The following RTTN variants were observed in gnomAD, a reference collection of about 807,000 sequenced individuals.
The protein encoded by RTTN is rotatin.
In RTTN, 182 loss-of-function variants were observed where a neutral mutation model predicts 269.2. The ratio of observed to expected loss-of-function variants is 0.68; its 90% CI spans 0.60 to 0.76. The LOEUF (loss-of-function observed/expected upper bound fraction) is 0.76. Ranked by LOEUF, RTTN falls within the 30% of genes least tolerant of loss-of-function variation. The pLI is 0.00. For missense variants in RTTN, 2,545 were observed against 2,608.6 expected, an observed-to-expected ratio of 0.98 and a Z score of 0.53; for synonymous variants, 1,006 against 963.5, an observed-to-expected ratio of 1.04 and a Z score of -0.82.
chr18:70,102,380 G>A (rs2059192868), intron 28 of RTTN, among the ~76,000 whole-genome samples: 1 of 152,094 alleles, frequency 6.6e-6, no homozygotes, highest in African/African-American at 2.4e-5. Context: ...TTTTATCGGA[G>A]AGAGGATTGC....
At position 70,193,288 on chromosome 18, in the gene RTTN, C is replaced by A. The variant is rs1438011967; in HGVS notation, c.1007G>T (p.Ser336Ile). 1 of 1,610,254 alleles carries A rather than the reference C, an allele frequency of 6.2e-7. No homozygotes were observed. The highest frequency in any genetic ancestry group is 8.5e-7 in the Non-Finnish European group (1 of 1,178,092). The change falls in exon 8 of 49, where the codon AGT becomes ATT. Residue 336 changes from serine (S) to isoleucine (I), a missense_variant and splice_region_variant. Ser to Ile is a moderately radical substitution (Grantham distance 142). Coordinates refer to ENST00000640769, the MANE Select transcript of RTTN (RefSeq NM_173630.4). ...DGQDWDAASS[S>I]GSSSHAHVNS... Reference sequence around the variant, plus strand: ...CCCCAGAGACACTGCTAGCAGTCACCTAGAGGACGCTGCATCCCAGTCCTG... The same window carrying A: ...CCCCAGAGACACTGCTAGCAGTCACATAGAGGACGCTGCATCCCAGTCCTG...
chr18:70,201,701 T>G (rs2061957100), intron 4 of RTTN, among the ~76,000 whole-genome samples, 193 bp downstream of exon 4: 1 of 151,100 alleles, frequency 6.6e-6, no homozygotes, highest in African/African-American at 2.4e-5. Context: ...TGTTCAAATA[T>G]GGTTAGAATA....
At chr18:70,205,456 C>T in intron 1 of RTTN, 141 bp from the exon 2 acceptor site, 2 of 1,366,194 alleles carry the variant, frequency 1.5e-6, no homozygotes, top group Non-Finnish European at 2.0e-6. Context: ...GGGACGCGAA[C>T]CGCGAAGTTT....
intron 34 of RTTN, among the ~76,000 whole-genome samples, chr18:70,071,314 A>T (rs1271329897): frequency 6.6e-6 from 1 of 152,222 alleles, no homozygotes; most frequent in Non-Finnish European, 1.5e-5. Flanking sequence ...AAAAAGTTTG[A>T]AAGATCACAT....
rs188220549 is a variant in RTTN, at chr18:70,106,691, C to T, written c.3903+2807G>A. Among the ~76,000 whole-genome samples, 487 of 150,894 alleles carry T rather than the reference C, an allele frequency of 3.2e-3. 3 individuals carry two copies. Among genetic ancestry groups the T allele is most frequent in the Admixed American group, 6.0e-3 (91 of 15,170 alleles). ...TAAATGCAAAATATTGAGTCTTATGCTCTTGAAAAAAAAAGAGGTTTGGAT... is the reference window on the plus strand; with the variant it reads ...TAAATGCAAAATATTGAGTCTTATGTTCTTGAAAAAAAAAGAGGTTTGGAT... On this transcript the variant is annotated intron_variant, in intron 28 of 48. Coordinates refer to ENST00000640769, the MANE Select transcript of RTTN (RefSeq NM_173630.4).
intron 4 of RTTN, among the ~76,000 whole-genome samples, chr18:70,199,885 T>A (rs149244874): frequency 1.3e-5 from 2 of 152,192 alleles, no homozygotes; most frequent in Non-Finnish European, 1.5e-5. Flanking sequence ...CTTTTCAAAA[T>A]TAAAAATGAT....
At chr18:70,044,240 T>G (rs542216352) in intron 40 of RTTN, among the ~76,000 whole-genome samples, 102 of 152,382 alleles carry the variant, frequency 6.7e-4, no homozygotes, top group African/African-American at 2.4e-3. Flanking sequence ...ATTTTACCAT[T>G]CACTAAATGT....
intron 40 of RTTN, among the ~76,000 whole-genome samples, chr18:70,045,127 A>T (rs1449285909): frequency 6.6e-6 from 1 of 152,236 alleles, no homozygotes; most frequent in African/African-American, 2.4e-5. Flanking sequence ...CTTACACATG[A>T]CTTAAGATGT....
intron 48 of RTTN, 23 bp from the exon 49 acceptor site, chr18:70,004,259 C>T (rs747110129): frequency 2.6e-6 from 4 of 1,539,246 alleles, no homozygotes; most frequent in East Asian, 2.2e-5. Flanking sequence ...AATAAGAGTA[C>T]AGAAATACTA....
intron 23 of RTTN, chr18:70,132,061 C>T (rs1332796316): frequency 1.3e-5 from 2 of 151,858 alleles, no homozygotes; most frequent in East Asian, 1.9e-4. Context: ...CATAAGAGAT[C>T]GAGTGAATTC....
Position 70,059,911 on chromosome 18 carries a change from T to C in RTTN, c.4879A>G (p.Ile1627Val), listed in dbSNP as rs201573014. 1.4e-5 allele frequency: 23 copies of C among 1,613,434 alleles called. No individual in the cohort carries two copies. Among genetic ancestry groups the C allele is most frequent in the African/African-American group, 1.3e-4 (10 of 74,896 alleles). ...GCCTTTGCAGTGTCTCTGGGAGCAATCGTCAAGAGGTTGTCCAAGAGGCTG... is the reference window on the plus strand; with the variant it reads ...GCCTTTGCAGTGTCTCTGGGAGCAACCGTCAAGAGGTTGTCCAAGAGGCTG... ...MCSLLDNLLT[I>V]APRDTAKAFR... Residue 1627 changes from isoleucine (I) to valine (V), a missense_variant, in exon 36 of 49, where the codon ATT becomes GTT. By Grantham distance (29) the Ile-to-Val change is conservative (BLOSUM62 3). Coordinates refer to ENST00000640769, the MANE Select transcript of RTTN (RefSeq NM_173630.4).
intron 28 of RTTN, among the ~76,000 whole-genome samples, chr18:70,102,472 C>G (rs569763575): frequency 6.6e-6 from 1 of 152,210 alleles, no homozygotes; most frequent in South Asian, 2.1e-4. Context: ...TGTCTCTGCA[C>G]GTGAGATGAG....
chr18:70,073,106 A>G (rs2058340136), intron 34 of RTTN, among the ~76,000 whole-genome samples: 1 of 152,136 alleles, frequency 6.6e-6, no homozygotes, highest in South Asian at 2.1e-4. Context: ...AAACAGGTGT[A>G]TCAAATCTTT....
chr18:70,187,869 T>C (rs1301122137), intron 10 of RTTN, among the ~76,000 whole-genome samples: 1 of 152,186 alleles, frequency 6.6e-6, no homozygotes, highest in African/African-American at 2.4e-5. Flanking sequence ...GATATCACAG[T>C]AGCTATAACC....
At chr18:70,186,648 G>A (rs1453383164) in intron 10 of RTTN, among the ~76,000 whole-genome samples, 1 of 152,112 alleles carries the variant, frequency 6.6e-6, no homozygotes, top group East Asian at 1.9e-4. Flanking sequence ...GACTGATTAA[G>A]GAAAATGTGG....
Position 70,081,931 on chromosome 18 carries a change from TCTACAA to T in RTTN, c.4374+4676_4374+4681del, listed in dbSNP as rs536276737. Among the ~76,000 whole-genome samples, 11 of 152,296 alleles carry T rather than the reference TCTACAA, an allele frequency of 7.2e-5. No homozygotes were observed. The South Asian group carries it at 2.3e-3, about 32-fold the overall frequency. On this transcript the variant is annotated intron_variant, in intron 32 of 48. Coordinates refer to ENST00000640769, the MANE Select transcript of RTTN (RefSeq NM_173630.4). ...TGTTCAGAGGAAAAGAAGCATTATG[TCTACAA>T]CTCTCCAATAGTTTAGAAAGAAGAC...
chr18:70,057,158 C>A (rs1231252702), intron 37 of RTTN, among the ~76,000 whole-genome samples: 1 of 152,208 alleles, frequency 6.6e-6, no homozygotes, highest in East Asian at 1.9e-4. Context: ...TAATTCATCA[C>A]CTCCTAAATA....
intron 22 of RTTN, 84 bp from the exon 23 acceptor site, chr18:70,134,625 T>C (rs2060078653): frequency 1.2e-6 from 1 of 867,018 alleles, no homozygotes. Context: ...CCTCACTTCG[T>C]TGACTGCAAA....
At chr18:70,070,496 C>T (rs998593027) in intron 34 of RTTN, among the ~76,000 whole-genome samples, 5 of 152,162 alleles carry the variant, frequency 3.3e-5, no homozygotes, top group African/African-American at 1.2e-4. Context: ...TTAAACTATC[C>T]TCTGTCTACT....
Sources: allele counts gnomAD v4.1 joint callset (sites outside exome capture counted in the v4.1 genomes callset), GRCh38; gene constraint gnomAD v4.1.1; transcripts MANE v1.5; gene names NCBI Gene and HGNC (gene_info 2026-07-23, HGNC 2026-07-21).